The following CNTN5 variants were observed in gnomAD, a reference collection of about 807,000 sequenced individuals.
CNTN5 encodes the protein contactin 5.
A neutral mutation model predicts 129.1 loss-of-function variants in CNTN5; 77 were observed. The ratio of observed to expected loss-of-function variants is 0.60; its 90% confidence interval spans 0.50 to 0.72. The LOEUF is 0.72. Ranked by LOEUF, CNTN5 falls within the 30% of genes least tolerant of loss-of-function variation. The probability of loss-of-function intolerance (pLI) is 0.00; values close to 1 mark genes in which losing one functional copy is unlikely to be tolerated. For missense variants in CNTN5, 1,478 were observed against 1,328.8 expected (o/e 1.11, Z -1.75); for synonymous variants, 509 against 465.6 (o/e 1.09, Z -1.20).
At chr11:99,762,744 A>G (rs1944624011) in intron 3 of CNTN5, among the ~76,000 whole-genome samples, 1 of 152,174 alleles carries the variant, frequency 6.6e-6, no homozygotes, top group Admixed American at 6.6e-5. Flanking sequence ...TTGTTTATTC[A>G]ATGAGACAGG....
In CNTN5 at chr11:99,963,827, G is replaced by A. The variant is rs370385674; in HGVS notation, c.877+6818G>A. 1.4e-4 allele frequency among the ~76,000 whole-genome samples: 22 copies of A among 152,000 alleles called. No homozygotes were observed. In the East Asian group the frequency reaches 3.3e-3, roughly 23 times the overall value. On this transcript the variant is annotated intron_variant, in intron 8 of 24. Transcript: ENST00000524871. ...CTTCCATTTGTTTGTATCCTCTTTT[G>A]TTTCATTGAGCAGTGGTTTGTAGTT...
At chr11:100,157,489 G>T (rs1210225310) in intron 13 of CNTN5, among the ~76,000 whole-genome samples, 1 of 150,516 alleles carries the variant, frequency 6.6e-6, no homozygotes, top group Non-Finnish European at 1.5e-5. Context: ...CCATGTTAAT[G>T]AATTGAAAAA....
intron 6 of CNTN5, among the ~76,000 whole-genome samples, chr11:99,864,099 A>G (rs1259885939): frequency 1.3e-5 from 2 of 152,174 alleles, no homozygotes; most frequent in Non-Finnish European, 2.9e-5. Flanking sequence ...TGTCTGGTGC[A>G]TATTGTTAAT....
chr11:100,340,718 C>T lies in CNTN5; in HGVS notation c.2917+69C>T, dbSNP rs962295764. 179 of 1,344,954 alleles carry T rather than the reference C, an allele frequency of 1.3e-4. No homozygotes were observed. The Middle Eastern group carries it at 1.7e-3, about 13-fold the overall frequency. 83.3% of individuals were successfully genotyped at this position (1,344,954 alleles called of 1,614,324 possible). On this transcript the variant is annotated intron_variant, in intron 22 of 24. Transcript: ENST00000524871. ...CATCGTATAACATTTCTCAAAGCCACGTGAGGTGCATAATAAGCAGAGTCA... is the reference window on the plus strand; with the variant it reads ...CATCGTATAACATTTCTCAAAGCCATGTGAGGTGCATAATAAGCAGAGTCA...
At chr11:100,179,994 T>C (rs1001665625) in intron 13 of CNTN5, among the ~76,000 whole-genome samples, 2 of 152,044 alleles carry the variant, frequency 1.3e-5, no homozygotes, top group Non-Finnish European at 2.9e-5. Context: ...GCAAAATTAA[T>C]GCCAACTCTA....
chr11:99,908,793 A>G (rs376698683), intron 6 of CNTN5, among the ~76,000 whole-genome samples: 1 of 152,136 alleles, frequency 6.6e-6, no homozygotes. Flanking sequence ...TCACAAAAGC[A>G]TTTGCAATTT....
chr11:99,737,168 C>A (rs1378626795), intron 3 of CNTN5, among the ~76,000 whole-genome samples: 1 of 151,894 alleles, frequency 6.6e-6, no homozygotes, highest in African/African-American at 2.4e-5. Flanking sequence ...CACACGCACA[C>A]GCACACACAG....
chr11:99,962,746 A>G (rs534602351), intron 8 of CNTN5, among the ~76,000 whole-genome samples: 22 of 151,596 alleles, frequency 1.5e-4, no homozygotes, highest in African/African-American at 4.9e-4. Flanking sequence ...GACTTCCACA[A>G]TGGTTGAAGT....
At chr11:99,411,017 GAACTTTCATAAATAA>G (rs1286396270) in intron 2 of CNTN5, among the ~76,000 whole-genome samples, 1 of 152,094 alleles carries the variant, frequency 6.6e-6, no homozygotes, top group African/African-American at 2.4e-5. Flanking sequence ...GAGATTATCT[GAACTTTCATAAATAA>G]AACTTTCATT....
intron 2 of CNTN5, among the ~76,000 whole-genome samples, chr11:99,512,148 C>T (rs1200145543): frequency 6.6e-6 from 1 of 152,140 alleles, no homozygotes; most frequent in African/African-American, 2.4e-5. Flanking sequence ...AATACCAACC[C>T]TGCCGCCTCC....
At chr11:99,768,780 G>T (rs769992768) in intron 3 of CNTN5, among the ~76,000 whole-genome samples, 6 of 152,066 alleles carry the variant, frequency 3.9e-5, no homozygotes, top group Admixed American at 2.0e-4. Context: ...GATAGGATCT[G>T]CCAGACTTAT....
At chr11:99,894,141 T>G (rs1254973781) in intron 6 of CNTN5, among the ~76,000 whole-genome samples, 1 of 152,140 alleles carries the variant, frequency 6.6e-6, no homozygotes, top group Non-Finnish European at 1.5e-5. Context: ...TCCCACCTAG[T>G]AGGTGGTATA....
chr11:99,101,162 G>C (rs575897780), intron 1 of CNTN5, among the ~76,000 whole-genome samples: 16 of 152,272 alleles, frequency 1.1e-4, no homozygotes, highest in Admixed American at 9.2e-4. Context: ...ATCAGATCTT[G>C]TGAGACTTAT....
intron 1 of CNTN5, among the ~76,000 whole-genome samples, chr11:99,053,231 A>G (rs984529520): frequency 3.3e-5 from 5 of 152,058 alleles, no homozygotes; most frequent in Admixed American, 2.6e-4. Context: ...CCTATATGTC[A>G]AAAGTTTTTG....
At chr11:100,120,286 G>C (rs188977190) in intron 13 of CNTN5, among the ~76,000 whole-genome samples, 1 of 151,934 alleles carries the variant, frequency 6.6e-6, no homozygotes, top group Admixed American at 6.6e-5. Flanking sequence ...GCTCTCCGGG[G>C]AAGTTATCCA....
At chr11:99,670,356 A>C (rs1952981671) in intron 3 of CNTN5, among the ~76,000 whole-genome samples, 1 of 152,144 alleles carries the variant, frequency 6.6e-6, no homozygotes, top group Non-Finnish European at 1.5e-5. Context: ...TCTCCTTGAA[A>C]AACTAGGAGT....
chr11:99,791,154 T>C (rs1212395453), intron 3 of CNTN5, among the ~76,000 whole-genome samples: 2 of 152,026 alleles, frequency 1.3e-5, no homozygotes, highest in African/African-American at 4.8e-5. Context: ...TAAGTAGATC[T>C]CATTTATAAA....
At chr11:100,350,591 G>T in intron 23 of CNTN5, 111 bp from the exon 24 acceptor site, 1 of 735,512 alleles carries the variant, frequency 1.4e-6, no homozygotes, top group South Asian at 2.3e-5. Context: ...TTATGTATCT[G>T]TCTAAACTGT....
At chr11:99,350,175 A>G (rs764384414) in intron 2 of CNTN5, among the ~76,000 whole-genome samples, 3 of 152,172 alleles carry the variant, frequency 2.0e-5, no homozygotes, top group Non-Finnish European at 2.9e-5. Flanking sequence ...TAGGTGACTG[A>G]TGTACTTTCC....
Sources: gnomAD v4.1 joint callset for allele counts (sites outside exome capture counted in the v4.1 genomes callset) on GRCh38, gnomAD v4.1.1 for gene constraint, MANE v1.5 for transcripts, NCBI Gene and HGNC (gene_info 2026-07-23, HGNC 2026-07-21) for gene names.